The following IQGAP2 variants were observed in gnomAD, a reference collection of about 807,000 sequenced individuals.
The protein encoded by IQGAP2 is ras GTPase-activating-like protein IQGAP2.
IQGAP2 carries 173 observed loss-of-function variants against 201.3 expected under a neutral mutation model. That is an observed-to-expected ratio of 0.86 (90% CI 0.76 to 0.98). The LOEUF (loss-of-function observed/expected upper bound fraction) is 0.98. Among genes scored for constraint, IQGAP2 ranks in the 50% least tolerant of loss-of-function variants. IQGAP2 has a pLI of 0.00. For synonymous variants in IQGAP2, 675 were observed against 673.9 expected (o/e 1.00, Z -0.03); for missense variants, 1,687 against 1,864.8 (o/e 0.90, Z 1.76).
intron 3 of IQGAP2, 21 bp from the exon 4 acceptor site, chr5:76,570,559 T>C: frequency 6.4e-7 from 1 of 1,573,696 alleles, no homozygotes; most frequent in Non-Finnish European, 8.7e-7. Context: ...TCTCCCTTTT[T>C]CCCTCCTATC....
At chr5:76,591,395 C>T (rs1404838829) in intron 8 of IQGAP2, among the ~76,000 whole-genome samples, 1 of 150,734 alleles carries the variant, frequency 6.6e-6, no homozygotes, top group Non-Finnish European at 1.5e-5. Flanking sequence ...TGCTCCTAAT[C>T]GTAACTCCAT....
chr5:76,474,137 C>T (rs1280426533), intron 2 of IQGAP2, among the ~76,000 whole-genome samples: 1 of 152,100 alleles, frequency 6.6e-6, no homozygotes, highest in Non-Finnish European at 1.5e-5. Context: ...TACTGAGGCT[C>T]AGAAATTTAT....
rs139846073 is a variant in IQGAP2 at position 76,502,277 on chromosome 5, T to C, written c.146+40608T>C. Among the ~76,000 whole-genome samples the C allele has an allele frequency of 2.5e-4, 38 of 152,248 alleles. 1 individual carries two copies. The East Asian group carries it at 6.4e-3, about 26-fold the overall frequency. On this transcript the variant is annotated intron_variant, in intron 2 of 35. Transcript: ENST00000274364. ...GAGATTTGGAAGATGAATAAAAGGC[T>C]GTGTTTGTTTAGGTGGAAGTATGGC...
intron 5 of IQGAP2, among the ~76,000 whole-genome samples, chr5:76,577,371 A>G (rs138170293): frequency 6.6e-6 from 1 of 152,350 alleles, no homozygotes; most frequent in Non-Finnish European, 1.5e-5. Flanking sequence ...TACCAATTGT[A>G]TACAAATATT....
intron 2 of IQGAP2, among the ~76,000 whole-genome samples, chr5:76,487,525 T>C (rs1756238266): frequency 6.6e-6 from 1 of 152,244 alleles, no homozygotes; most frequent in African/African-American, 2.4e-5. Context: ...TGTACATTGG[T>C]ATGCAAATTC....
At chr5:76,658,350 T>G (rs1018885421) in intron 20 of IQGAP2, 109 bp from the exon 21 acceptor site, 9 of 890,618 alleles carry the variant, frequency 1.0e-5, no homozygotes, top group Admixed American at 2.2e-5. Context: ...CTAGACCAAG[T>G]ACTTTCATTG....
chr5:76,485,567 C>G (rs1391331278), intron 2 of IQGAP2, among the ~76,000 whole-genome samples: 1 of 152,136 alleles, frequency 6.6e-6, no homozygotes, highest in Admixed American at 6.5e-5. Flanking sequence ...TCTTAAAGTC[C>G]TAAGTGGGTC....
chr5:76,691,763 C>T (rs1746281980), intron 30 of IQGAP2: 1 of 152,192 alleles, frequency 6.6e-6, no homozygotes, highest in Non-Finnish European at 1.5e-5. Flanking sequence ...TCTTTTCACA[C>T]AGACTTCTGA....
At chr5:76,659,365 G>A (rs1378154820) in intron 21 of IQGAP2, among the ~76,000 whole-genome samples, 1 of 152,160 alleles carries the variant, frequency 6.6e-6, no homozygotes. Flanking sequence ...GATGACACTG[G>A]AAGACATGAT....
Position 76,461,737 on chromosome 5 carries a change from A to C in IQGAP2, c.146+68A>C, listed in dbSNP as rs946396884. ...ATAAGCTTTGTGATAAGGGCGTGGG[A>C]TTTGATGACCAGAGGGTTCTGAAAT... On this transcript the variant is annotated intron_variant, in intron 2 of 35. Transcript: ENST00000274364. The C allele has an allele frequency of 3.6e-6, 4 of 1,113,692 alleles. No homozygotes were observed. The African/African-American group carries it at 6.2e-5, about 17-fold the overall frequency. The allele number at this position is 1,113,692 out of a possible 1,614,324, so 69.0% of individuals were successfully genotyped here.
chr5:76,536,802 T>C (rs956434726), intron 2 of IQGAP2, among the ~76,000 whole-genome samples: 1 of 152,118 alleles, frequency 6.6e-6, no homozygotes, highest in African/African-American at 2.4e-5. Context: ...GGCTTTTGGC[T>C]TTTTATCTCC....
intron 3 of IQGAP2, among the ~76,000 whole-genome samples, chr5:76,566,672 A>G (rs897466442): frequency 1.2e-4 from 18 of 152,232 alleles, no homozygotes; most frequent in African/African-American, 4.3e-4. Context: ...AAGAGGGGAG[A>G]CAGAGTCCAG....
chr5:76,466,394 G>A (rs1754782530), intron 2 of IQGAP2, among the ~76,000 whole-genome samples: 1 of 152,128 alleles, frequency 6.6e-6, no homozygotes, highest in Non-Finnish European at 1.5e-5. Flanking sequence ...ATAGTCAAAA[G>A]TGTCTTGAAA....
chr5:76,597,101 C>T, intron 9 of IQGAP2: 1 of 225,758 alleles, frequency 4.4e-6, no homozygotes, highest in South Asian at 8.1e-5. Context: ...ATGAGAAATC[C>T]TTAAGGACTG....
chr5:76,522,332 G>A (rs886532211), intron 2 of IQGAP2, among the ~76,000 whole-genome samples: 1 of 152,088 alleles, frequency 6.6e-6, no homozygotes, highest in Non-Finnish European at 1.5e-5. Context: ...ATAGGTGCCT[G>A]CCATCATGCC....
intron 30 of IQGAP2, among the ~76,000 whole-genome samples, chr5:76,689,230 TAAAAAAAAAAAAAAAAA>T (rs11424254): frequency 1.2e-5 from 1 of 86,490 alleles, no homozygotes; most frequent in African/African-American, 4.7e-5. Flanking sequence ...CAGGGATATT[TAAAAAAAAAAAAAAAAA>T]AAAAAAAAAC....
At chr5:76,524,644 GGAA>G (rs1268757047) in intron 2 of IQGAP2, among the ~76,000 whole-genome samples, 4 of 152,162 alleles carry the variant, frequency 2.6e-5, no homozygotes, top group African/African-American at 9.7e-5. Context: ...ACAAGCCAAA[GGAA>G]GAAATGATAT....
chr5:76,435,560 C>A (rs1280987509), intron 1 of IQGAP2, among the ~76,000 whole-genome samples: 1 of 152,078 alleles, frequency 6.6e-6, no homozygotes, highest in African/African-American at 2.4e-5. Flanking sequence ...ACTTTTATAC[C>A]AGTACCATGC....
At chr5:76,659,637 C>G (rs1371882430) in intron 21 of IQGAP2, among the ~76,000 whole-genome samples, 1 of 152,104 alleles carries the variant, frequency 6.6e-6, no homozygotes, top group Non-Finnish European at 1.5e-5. Flanking sequence ...AATCTTGACC[C>G]ACGTAAATGA....
Sources: allele counts gnomAD v4.1 joint callset (sites outside exome capture counted in the v4.1 genomes callset), GRCh38; gene constraint gnomAD v4.1.1; transcripts MANE v1.5; gene names NCBI Gene and HGNC (gene_info 2026-07-23, HGNC 2026-07-21).